Variants in CRYBB1 observed in about 807,000 individuals in gnomAD.
The protein encoded by CRYBB1 is beta-crystallin B1.
A neutral mutation model predicts 29.5 loss-of-function variants in CRYBB1; 16 were observed. That is an observed-to-expected ratio of 0.54 (90% confidence interval 0.37 to 0.82). CRYBB1 has a LOEUF of 0.82. CRYBB1 is among the 40% of genes least tolerant of loss of function. The pLI is 0.00. For synonymous variants in CRYBB1, 127 were observed against 136.7 expected, an observed-to-expected ratio of 0.93 and a Z score of 0.49; for missense variants, 300 against 350.5, an observed-to-expected ratio of 0.86 and a Z score of 1.15.
rs148706764 is a variant in CRYBB1, at chr22:26,612,872, T to C, written c.181-682A>G. 2.1e-3 allele frequency among the ~76,000 whole-genome samples: 323 copies of C among 152,338 alleles called. 1 individual carries two copies. The highest frequency in any genetic ancestry group is 7.0e-3 in the African/African-American group (293 of 41,580). ...GCCACCTTCTCCAGGAAGCCTTCTC[T>C]GATTGCCCCTTCCTCCATCGGCCTT... On this transcript the variant is annotated intron_variant, in intron 2 of 5. Coordinates refer to ENST00000647684, the MANE Select transcript of CRYBB1 (RefSeq NM_001887.4).
chr22:26,604,743 G>A (rs376351621), intron 4 of CRYBB1, among the ~76,000 whole-genome samples: 58 of 152,338 alleles, frequency 3.8e-4, no homozygotes, highest in African/African-American at 1.3e-3. Flanking sequence ...GTAAGCACAG[G>A]GGACCCTTTG....
intron 1 of CRYBB1, 138 bp from the exon 2 acceptor site, chr22:26,616,476 T>G (rs1929360414): frequency 1.5e-6 from 1 of 666,630 alleles, no homozygotes; most frequent in Non-Finnish European, 2.7e-6. Flanking sequence ...CCTGGAAGTT[T>G]TTCTTTCATC....
At chr22:26,612,467 A>G (rs1445029333) in intron 2 of CRYBB1, among the ~76,000 whole-genome samples, 1 of 152,154 alleles carries the variant, frequency 6.6e-6, no homozygotes, top group East Asian at 1.9e-4. Flanking sequence ...GGCTCAAGCG[A>G]TCCTCCCACC....
intron 2 of CRYBB1, among the ~76,000 whole-genome samples, chr22:26,613,584 CA>C (rs1929247408): frequency 6.6e-6 from 1 of 152,248 alleles, no homozygotes; most frequent in South Asian, 2.1e-4. Context: ...CTTCCCCAAT[CA>C]ATACCCTTGT....
intron 4 of CRYBB1, among the ~76,000 whole-genome samples, chr22:26,604,654 G>A (rs1239053865): frequency 6.6e-6 from 1 of 152,246 alleles, no homozygotes; most frequent in African/African-American, 2.4e-5. Flanking sequence ...ATAGGCAAAA[G>A]CTGGGAGGTG....
intron 5 of CRYBB1, among the ~76,000 whole-genome samples, chr22:26,601,376 C>G (rs922416923): frequency 2.0e-5 from 3 of 152,182 alleles, no homozygotes; most frequent in African/African-American, 7.2e-5. Context: ...TTTTGTGTGC[C>G]CATTGCCTAG....
Position 26,602,166 on chromosome 22 carries a change from C to G in CRYBB1, c.433-145G>C, listed in dbSNP as rs576607922. On this transcript the variant is annotated intron_variant, in intron 4 of 5. Coordinates refer to ENST00000647684, the MANE Select transcript of CRYBB1 (RefSeq NM_001887.4). Reference sequence around the variant, plus strand: ...TCTCCAGGGACCACTGCTGTCTAGTCTGGAAGGAGACATAAGGAAAATGGG... The same window carrying G: ...TCTCCAGGGACCACTGCTGTCTAGTGTGGAAGGAGACATAAGGAAAATGGG... 3.8e-6 allele frequency: 4 copies of G among 1,039,388 alleles called. No homozygotes were observed. In the South Asian group the frequency reaches 5.4e-5, roughly 14 times the overall value. 64.4% of individuals were successfully genotyped at this position (1,039,388 alleles called of 1,614,324 possible). A position where few individuals can be genotyped will look rare whatever the true frequency, so the allele number is the denominator to read the frequency against.
chr22:26,606,045 A>G (rs892318631), intron 4 of CRYBB1, among the ~76,000 whole-genome samples: 3 of 152,228 alleles, frequency 2.0e-5, no homozygotes, highest in African/African-American at 7.2e-5. Flanking sequence ...CTCATCCGCT[A>G]TCGTTAGTGA....
At chr22:26,615,035 G>A (rs1430414057) in intron 2 of CRYBB1, among the ~76,000 whole-genome samples, 1 of 152,134 alleles carries the variant, frequency 6.6e-6, no homozygotes, top group African/African-American at 2.4e-5. Context: ...ACCAAGTCCT[G>A]GCTTTTATAT....
At chr22:26,611,915 C>T (rs960311321) in intron 3 of CRYBB1, among the ~76,000 whole-genome samples, 157 bp downstream of exon 3, 1 of 152,136 alleles carries the variant, frequency 6.6e-6, no homozygotes, top group Admixed American at 6.5e-5. Context: ...GAGAACAATT[C>T]CTCCCTCTTC....
rs1259000304 is a variant in CRYBB1, at chr22:26,607,762, G to A, written c.432+127C>T. On this transcript the variant is annotated intron_variant, in intron 4 of 5. Transcript: ENST00000647684. ...TGAGCTCAAGAATCCACGGTCCTTT[G>A]ACAACTCGGAGGCTGCCACGCCTCC... The A allele has an allele frequency of 1.5e-5, 20 of 1,299,572 alleles. No homozygotes were observed. In the East Asian group the frequency reaches 4.2e-4, roughly 27 times the overall value. 80.5% of individuals were successfully genotyped at this position (1,299,572 alleles called of 1,614,324 possible).
chr22:26,612,109 A>T lies in CRYBB1; in HGVS notation c.262T>A (p.Phe88Ile), dbSNP rs748558207. 3.1e-6 allele frequency: 5 copies of T among 1,613,916 alleles called. No homozygotes were observed. Among genetic ancestry groups the T allele is most frequent in the Admixed American group, 1.7e-5 (1 of 60,000 alleles). Residue 88 changes from phenylalanine to isoleucine, a missense_variant, in exon 3 of 6, where the codon TTC (phenylalanine) becomes ATC (isoleucine). Transcript: ENST00000647684. ...ACAATGATGCTGCGCACACGGTCGAAGCCACGGTCTGCCAGATTTGAGCAC... is the reference window on the plus strand; with the variant it reads ...ACAATGATGCTGCGCACACGGTCGATGCCACGGTCTGCCAGATTTGAGCAC... ...GECSNLADRGFDRVRSIIVSA... is the reference protein window; with the variant it reads ...GECSNLADRGIDRVRSIIVSA...
chr22:26,611,526 C>G (rs1158910976), intron 3 of CRYBB1, among the ~76,000 whole-genome samples: 3 of 149,602 alleles, frequency 2.0e-5, no homozygotes, highest in Admixed American at 6.7e-5. Flanking sequence ...GGACTGCAGA[C>G]TGCAGTGGCG....
rs1928923093 is a variant in CRYBB1, at chr22:26,604,748, C to A, written c.433-2727G>T. On this transcript the variant is annotated intron_variant, in intron 4 of 5. Transcript: ENST00000647684. ...AGGCAGGGATGTAAGCACAGGGGAC[C>A]CTTTGGGGCATGGCAAGACAAATGC... Among the ~76,000 whole-genome samples, 3 of 152,164 alleles carry A rather than the reference C, an allele frequency of 2.0e-5. No homozygotes were observed. In the South Asian group the frequency reaches 6.2e-4, roughly 32 times the overall value.
chr22:26,617,218 G>C (rs772240576), intron 1 of CRYBB1, among the ~76,000 whole-genome samples: 3 of 152,178 alleles, frequency 2.0e-5, no homozygotes, highest in East Asian at 1.9e-4. Flanking sequence ...AATTCCAGTG[G>C]TTCCTTGTTG....
At chr22:26,613,549 G>A (rs896700591) in intron 2 of CRYBB1, among the ~76,000 whole-genome samples, 1 of 152,150 alleles carries the variant, frequency 6.6e-6, no homozygotes, top group Non-Finnish European at 1.5e-5. Flanking sequence ...AACATAAATT[G>A]TAAAGATTTC....
intron 3 of CRYBB1, among the ~76,000 whole-genome samples, chr22:26,610,948 G>C (rs137863451): frequency 2.0e-5 from 3 of 152,290 alleles, no homozygotes; most frequent in East Asian, 3.9e-4. Context: ...CTTTCAAAGT[G>C]GGGGAGACAA....
intron 3 of CRYBB1, among the ~76,000 whole-genome samples, chr22:26,608,784 G>A (rs1395415006): frequency 6.6e-6 from 1 of 152,006 alleles, no homozygotes; most frequent in East Asian, 1.9e-4. Flanking sequence ...CTGGTATTCG[G>A]GAGATACTCA....
chr22:26,612,651 C>T (rs992211446), intron 2 of CRYBB1, among the ~76,000 whole-genome samples: 1 of 152,240 alleles, frequency 6.6e-6, no homozygotes, highest in African/African-American at 2.4e-5. Flanking sequence ...TTGCACCTGG[C>T]CTCATGCCCT....
Sources: allele counts gnomAD v4.1 joint callset (sites outside exome capture counted in the v4.1 genomes callset), GRCh38; gene constraint gnomAD v4.1.1; transcripts MANE v1.5; gene names NCBI Gene and HGNC (gene_info 2026-07-23, HGNC 2026-07-21).